ZDHHC7: variants seen among roughly 807,000 people sequenced by gnomAD.
The protein encoded by ZDHHC7 is zDHHC palmitoyltransferase 7, also known as palmitoyltransferase ZDHHC7.
A neutral mutation model predicts 34.1 loss-of-function variants in ZDHHC7; 12 were observed. The observed-to-expected ratio is 0.35, with a 90% CI of 0.23 to 0.57. ZDHHC7 has a LOEUF of 0.57. Ranked by LOEUF, ZDHHC7 falls within the 20% of genes least tolerant of loss-of-function variation. ZDHHC7 has a pLI of 0.84. For synonymous variants in ZDHHC7, 185 were observed against 155.4 expected, an observed-to-expected ratio of 1.19 and a Z score of -1.42; for missense variants, 388 against 402.7, an observed-to-expected ratio of 0.96 and a Z score of 0.31.
rs1391539658 is a variant in ZDHHC7 at position 84,974,193 on chromosome 16, T to C, written c.*2150A>G. 1.3e-5 allele frequency: 2 copies of C among 150,980 alleles called. No homozygotes were observed. Among genetic ancestry groups the C allele is most frequent in the African/African-American group, 2.5e-5 (1 of 40,250 alleles). The allele number at this position is 150,980 out of a possible 1,614,324, so 9.4% of individuals were successfully genotyped here. A position where few individuals can be genotyped will look rare whatever the true frequency, so the allele number is the denominator to read the frequency against. On this transcript the variant is annotated 3_prime_UTR_variant, in exon 8 of 8. Transcript: ENST00000313732. ...TCTGAACTGTGGAGATTTTGAAACA[T>C]TGTTTTTATTTCAACGTGCACTAAA...
chr16:85,000,554 G>A (rs1278181129), intron 1 of ZDHHC7, among the ~76,000 whole-genome samples: 1 of 152,152 alleles, frequency 6.6e-6, no homozygotes, highest in African/African-American at 2.4e-5. Flanking sequence ...CCACCCTAGA[G>A]TCTGGTATCC....
chr16:85,021,540 C>T, the ZDHHC7 span, among the ~76,000 whole-genome samples: 1 of 151,716 alleles, frequency 6.6e-6, no homozygotes, highest in Non-Finnish European at 1.5e-5. Flanking sequence ...GAAACCTTGT[C>T]TCTACTAAAG....
At chr16:85,007,070 C>A (rs1313656465) in intron 1 of ZDHHC7, among the ~76,000 whole-genome samples, 1 of 120,620 alleles carries the variant, frequency 8.3e-6, no homozygotes, top group East Asian at 3.1e-4. Flanking sequence ...TTGTCTGGGC[C>A]CCATATGGAG....
At chr16:84,985,952 CAA>C (rs58315276) in intron 3 of ZDHHC7, among the ~76,000 whole-genome samples, 32 of 54,026 alleles carry the variant, frequency 5.9e-4, no homozygotes, top group East Asian at 2.0e-3. Context: ...GAGACTGTCT[CAA>C]AAAAAAAAAA....
At chr16:84,997,473 A>G (rs930535757) in intron 1 of ZDHHC7, among the ~76,000 whole-genome samples, 1 of 150,164 alleles carries the variant, frequency 6.7e-6, no homozygotes, top group African/African-American at 2.4e-5. Context: ...TGGTTTCACC[A>G]TGTTATCCAG....
chr16:85,009,703 TTTTTTC>T (rs1344299641), intron 1 of ZDHHC7, among the ~76,000 whole-genome samples: 9 of 132,144 alleles, frequency 6.8e-5, no homozygotes, highest in Admixed American at 5.3e-4. Flanking sequence ...AGTTCTGACT[TTTTTTC>T]TTTTTTTTTT....
intron 1 of ZDHHC7, among the ~76,000 whole-genome samples, chr16:85,005,297 G>C (rs1266651649): frequency 1.3e-5 from 2 of 152,188 alleles, no homozygotes; most frequent in African/African-American, 4.8e-5. Context: ...ATTAACCAGA[G>C]TTCAAAATAC....
chr16:84,986,336 G>A (rs768690079), intron 3 of ZDHHC7, among the ~76,000 whole-genome samples: 2 of 152,214 alleles, frequency 1.3e-5, no homozygotes, highest in African/African-American at 2.4e-5. Context: ...GCGAGGCCTC[G>A]TGTTCTCACA....
At chr16:85,026,710 A>T in the ZDHHC7 span, among the ~76,000 whole-genome samples, 2 of 151,838 alleles carry the variant, frequency 1.3e-5, no homozygotes, top group Non-Finnish European at 2.9e-5. Flanking sequence ...CCGTAATTTC[A>T]GAAAACCCAC....
chr16:84,977,049 A>C (rs1301130767), intron 7 of ZDHHC7, 46 bp downstream of exon 7: 2 of 1,610,408 alleles, frequency 1.2e-6, no homozygotes, highest in African/African-American at 1.3e-5. Context: ...CATTTACTCA[A>C]GCTTGGACCA....
the ZDHHC7 span, among the ~76,000 whole-genome samples, chr16:85,020,237 GC>G: frequency 6.6e-6 from 1 of 152,124 alleles, no homozygotes; most frequent in African/African-American, 2.4e-5. Flanking sequence ...TTGTCCTCAG[GC>G]TACAATAACC....
intron 2 of ZDHHC7, among the ~76,000 whole-genome samples, chr16:84,994,383 C>A (rs1237211683): frequency 6.6e-6 from 1 of 152,204 alleles, no homozygotes; most frequent in Non-Finnish European, 1.5e-5. Flanking sequence ...CTGAGCAGAA[C>A]CATTTTGCTT....
intron 1 of ZDHHC7, among the ~76,000 whole-genome samples, chr16:85,006,866 T>G (rs2072723719): frequency 6.6e-6 from 1 of 150,860 alleles, no homozygotes; most frequent in South Asian, 2.1e-4. Flanking sequence ...TTCCATATGG[T>G]GCTCCTTTGG....
Position 84,997,177 on chromosome 16 carries a change from T to C in ZDHHC7, c.-103-1170A>G, listed in dbSNP as rs182506903. 2.6e-5 allele frequency among the ~76,000 whole-genome samples: 4 copies of C among 151,954 alleles called. No homozygotes were observed. In the East Asian group the frequency reaches 7.7e-4, roughly 29 times the overall value. On this transcript the variant is annotated intron_variant, in intron 1 of 7. Coordinates refer to ENST00000313732, the MANE Select transcript of ZDHHC7 (RefSeq NM_017740.3). Reference sequence around the variant, plus strand: ...ATATTCTTCAAAATAAGAGAAGAGATTGGTTCTGTGAAACAAAAAGAGGAA... The same window carrying C: ...ATATTCTTCAAAATAAGAGAAGAGACTGGTTCTGTGAAACAAAAAGAGGAA...
At chr16:84,983,860 C>T (rs2072402251) in intron 3 of ZDHHC7, among the ~76,000 whole-genome samples, 1 of 150,712 alleles carries the variant, frequency 6.6e-6, no homozygotes, top group African/African-American at 2.4e-5. Flanking sequence ...ATTAGCTGGG[C>T]GTGGTGGCCT....
the ZDHHC7 span, among the ~76,000 whole-genome samples, chr16:85,020,022 C>T: frequency 6.6e-6 from 1 of 152,330 alleles, no homozygotes; most frequent in East Asian, 1.9e-4. Context: ...AAATGAAGTA[C>T]AGGAGCAGAG....
chr16:84,978,530 T>A (rs1253925268), intron 5 of ZDHHC7, among the ~76,000 whole-genome samples: 1 of 152,072 alleles, frequency 6.6e-6, no homozygotes, highest in East Asian at 1.9e-4. Flanking sequence ...GCTCAGGAGT[T>A]TAAGACCAGC....
intron 1 of ZDHHC7, among the ~76,000 whole-genome samples, chr16:85,009,701 C>CTTTTTT (rs200213740): frequency 1.3e-4 from 17 of 132,306 alleles, no homozygotes; most frequent in Admixed American, 2.7e-4. Flanking sequence ...CAAGTTCTGA[C>CTTTTTT]TTTTTTTCTT....
intron 1 of ZDHHC7, among the ~76,000 whole-genome samples, chr16:85,010,831 G>A (rs2072781346): frequency 6.6e-6 from 1 of 152,230 alleles, no homozygotes; most frequent in Non-Finnish European, 1.5e-5. Context: ...TAACTAGGAA[G>A]ATGGGCAGAG....
Sources: gnomAD v4.1 joint callset for allele counts (sites outside exome capture counted in the v4.1 genomes callset) on GRCh38, gnomAD v4.1.1 for gene constraint, MANE v1.5 for transcripts, NCBI Gene and HGNC (gene_info 2026-07-23, HGNC 2026-07-21) for gene names.